CYREN: variants seen among roughly 807,000 people sequenced by gnomAD.
CYREN encodes cell cycle regulator of NHEJ, also known as cell cycle regulator of non-homologous end joining.
Under a neutral mutation model 9.7 loss-of-function variants are expected in CYREN, and 7 were observed. The ratio of observed to expected loss-of-function variants is 0.72; its 90% CI spans 0.41 to 1.36. The LOEUF (loss-of-function observed/expected upper bound fraction) is 1.36. Ranked by LOEUF, CYREN falls within the 40% of genes most tolerant of loss-of-function variation. The pLI is 0.01. For synonymous variants in CYREN, 76 were observed against 77.9 expected, an observed-to-expected ratio of 0.98 and a Z score of 0.13; for missense variants, 215 against 198.1, an observed-to-expected ratio of 1.09 and a Z score of -0.51.
intron 2 of CYREN, 138 bp downstream of exon 2, chr7:135,168,647 TA>T: frequency 7.4e-7 from 1 of 1,357,678 alleles, no homozygotes; most frequent in Non-Finnish European, 9.9e-7. Context: ...CTCCACCTTC[TA>T]AAAGCTCAAG....
exon 3 of CYREN, chr7:135,093,995 A>G (rs1051672738): frequency 2.4e-5 from 4 of 169,686 alleles, no homozygotes; most frequent in East Asian, 1.8e-4. Flanking sequence ...TTGGATGGGG[A>G]AAAAAAATAG....
chr7:135,144,264 T>G (rs1043068051), intron 2 of CYREN, among the ~76,000 whole-genome samples: 2 of 152,114 alleles, frequency 1.3e-5, no homozygotes, highest in African/African-American at 2.4e-5. Flanking sequence ...CTCAGGACCA[T>G]GCTCAAAAAG....
At chr7:135,097,835 C>G (rs1166571961) in intron 2 of CYREN, among the ~76,000 whole-genome samples, 2 of 152,058 alleles carry the variant, frequency 1.3e-5, no homozygotes, top group Admixed American at 1.3e-4. Context: ...AGAAATAAGA[C>G]TGACTCAGAA....
At chr7:135,147,742 C>G in intron 2 of CYREN, 1 of 456,004 alleles carries the variant, frequency 2.2e-6, no homozygotes, top group Non-Finnish European at 4.4e-6. Context: ...GCCACACTGG[C>G]TGGGAGCTTG....
At position 135,166,728 on chromosome 7, in the gene CYREN, A is replaced by G; in HGVS notation, c.357T>C (p.Ala119=). 2 of 1,613,924 alleles carry G rather than the reference A, an allele frequency of 1.2e-6. No individual in the cohort carries two copies. The highest frequency in any genetic ancestry group is 1.3e-5 in the African/African-American group (1 of 75,030). Residue 119 remains alanine (A), a synonymous_variant, in exon 4 of 4, where the codon GCT becomes GCC. Transcript: ENST00000393114. The stretch of plus-strand genomic sequence containing the variant: ...GCCTCTGGGAAGGGCTGAGGCCTGG[A>G]GCCAGTGCCTGTTTCCCACTGTCCT... ...EEEDSGKQAL[A]PGLSPSQRPG...
intron 2 of CYREN, among the ~76,000 whole-genome samples, chr7:135,112,920 GAA>G (rs1825840908): frequency 1.3e-5 from 2 of 152,292 alleles, no homozygotes; most frequent in African/African-American, 4.8e-5. Flanking sequence ...TGGGATTACA[GAA>G]CTCGCCACCA....
chr7:135,168,092 A>G (rs1055004750), intron 2 of CYREN: 3 of 463,024 alleles, frequency 6.5e-6, no homozygotes, highest in African/African-American at 6.0e-5. Context: ...TGAAACACAC[A>G]CATGGATGCA....
downstream of CYREN, chr7:135,164,441 GA>G: frequency 6.3e-7 from 1 of 1,596,682 alleles, no homozygotes; most frequent in Non-Finnish European, 8.6e-7. Flanking sequence ...GGGCAGTAGA[GA>G]TGGCCGGCCC....
At chr7:135,103,402 G>T (rs1195489140) in intron 2 of CYREN, among the ~76,000 whole-genome samples, 1 of 152,094 alleles carries the variant, frequency 6.6e-6, no homozygotes, top group Non-Finnish European at 1.5e-5. Flanking sequence ...TCAATAATCT[G>T]TTCTTGAATC....
At chr7:135,092,361 C>T (rs1427782364), downstream of CYREN, 1 of 152,114 alleles carries the variant, frequency 6.6e-6, no homozygotes, top group Non-Finnish European at 1.5e-5. Flanking sequence ...TTGTTGTCAA[C>T]ATTTTTTTCA....
At chr7:135,094,747 A>G (rs1342698667) in intron 2 of CYREN, among the ~76,000 whole-genome samples, 4 of 152,242 alleles carry the variant, frequency 2.6e-5, no homozygotes, top group Non-Finnish European at 4.4e-5. Context: ...GGTAGTAGTC[A>G]GAGACCATAC....
At chr7:135,128,583 T>C (rs753382078) in intron 2 of CYREN, 6 of 770,948 alleles carry the variant, frequency 7.8e-6, no homozygotes, top group Non-Finnish European at 1.4e-5. Flanking sequence ...TTCAAGATGT[T>C]TGTGAGCGCT....
intron 2 of CYREN, among the ~76,000 whole-genome samples, chr7:135,116,303 C>T (rs1275693036): frequency 1.3e-5 from 2 of 152,186 alleles, no homozygotes; most frequent in African/African-American, 4.8e-5. Flanking sequence ...GACATTCTGA[C>T]TACAGAGTCC....
At chr7:135,171,837 G>A (rs529156586), upstream of CYREN, among the ~76,000 whole-genome samples, 15 of 152,360 alleles carry the variant, frequency 9.8e-5, no homozygotes, top group African/African-American at 3.4e-4. Context: ...GCAATCCAAA[G>A]AGCGCTCCCG....
At chr7:135,167,927 CCT>C in intron 2 of CYREN, 120 bp from the exon 3 acceptor site, 1 of 1,516,610 alleles carries the variant, frequency 6.6e-7, no homozygotes, top group Non-Finnish European at 8.9e-7. Flanking sequence ...GGTACCAGCA[CCT>C]CTGAGCTGAG....
In CYREN at chr7:135,149,865, G is replaced by A. The variant is rs140747070; in HGVS notation, n.356+18884C>T. On this transcript the variant is annotated intron_variant and non_coding_transcript_variant, in intron 2 of 2. Coordinates refer to the CYREN transcript ENST00000459937. ...GGTGTAATGTTTTTTGACAGTTTGCGTAAACATTTTAAACATTAAGTACAT... is the reference window on the plus strand; with the variant it reads ...GGTGTAATGTTTTTTGACAGTTTGCATAAACATTTTAAACATTAAGTACAT... 4.6e-3 allele frequency among the ~76,000 whole-genome samples: 707 copies of A among 152,176 alleles called. 3 individuals carry two copies. The highest frequency in any genetic ancestry group is 0.016 in the African/African-American group (670 of 41,516).
At chr7:135,164,436 G>C, downstream of CYREN, 3 of 1,596,300 alleles carry the variant, frequency 1.9e-6, no homozygotes, top group Non-Finnish European at 2.6e-6. Flanking sequence ...GCAGAGGGCA[G>C]TAGAGATGGC....
At chr7:135,144,841 G>A (rs1348808177) in intron 2 of CYREN, among the ~76,000 whole-genome samples, 1 of 149,378 alleles carries the variant, frequency 6.7e-6, no homozygotes, top group African/African-American at 2.5e-5. Flanking sequence ...GCTGAGGTGG[G>A]AGGATCACCT....
At chr7:135,172,449 G>A (rs1830700286), upstream of CYREN, among the ~76,000 whole-genome samples, 1 of 143,334 alleles carries the variant, frequency 7.0e-6, no homozygotes, top group Non-Finnish European at 1.5e-5. Context: ...TATGTGTGGT[G>A]TGAGCGTGGT....
Sources: allele counts gnomAD v4.1 joint callset (sites outside exome capture counted in the v4.1 genomes callset), GRCh38; gene constraint gnomAD v4.1.1; transcripts MANE v1.5; gene names NCBI Gene and HGNC (gene_info 2026-07-23, HGNC 2026-07-21).